SNX11: variants seen among roughly 807,000 people sequenced by gnomAD.
The protein encoded by SNX11 is sorting nexin 11.
In SNX11, 19 loss-of-function variants were observed where a neutral mutation model predicts 30.7. The observed-to-expected ratio is 0.62, with a 90% CI of 0.43 to 0.91. The LOEUF is 0.91. Ranked by LOEUF, SNX11 falls within the 40% of genes least tolerant of loss-of-function variation. SNX11 has a pLI of 0.00. For synonymous variants in SNX11, 112 were observed against 119.0 expected, an observed-to-expected ratio of 0.94 and a Z score of 0.38; for missense variants, 302 against 326.7, an observed-to-expected ratio of 0.92 and a Z score of 0.58.
chr17:48,118,571 C>G (rs1490593499), intron 4 of SNX11, 133 bp from the exon 5 acceptor site: 2 of 590,162 alleles, frequency 3.4e-6, no homozygotes, highest in Non-Finnish European at 5.9e-6. Context: ...GAGCGAGACT[C>G]CATCTCAAAA....
chr17:48,108,324 G>C (rs1029837722), intron 1 of SNX11, among the ~76,000 whole-genome samples: 2 of 152,232 alleles, frequency 1.3e-5, no homozygotes, highest in African/African-American at 4.8e-5. Context: ...AGATCACACA[G>C]AGCTTGGTCA....
At chr17:48,113,548 G>GTT (rs377736294) in intron 4 of SNX11, 147 bp downstream of exon 4, 1,413 of 427,246 alleles carry the variant, frequency 3.3e-3, no homozygotes, top group African/African-American at 4.1e-3. Flanking sequence ...TGTTTTTTGG[G>GTT]TTTTTTTTTT....
intron 1 of SNX11, among the ~76,000 whole-genome samples, chr17:48,108,737 T>C (rs989686297): frequency 6.6e-6 from 1 of 152,254 alleles, no homozygotes; most frequent in Non-Finnish European, 1.5e-5. Flanking sequence ...GGTCACTGAC[T>C]CTAGCCTTAT....
At chr17:48,112,480 G>A in intron 2 of SNX11, 94 bp from the exon 3 acceptor site, 1 of 767,632 alleles carries the variant, frequency 1.3e-6, no homozygotes, top group Non-Finnish European at 2.3e-6. Context: ...TTGAGTGAAT[G>A]AAAGTTGGTG....
chr17:48,115,610 AT>A (rs140089442), intron 4 of SNX11, among the ~76,000 whole-genome samples: 16 of 151,880 alleles, frequency 1.1e-4, no homozygotes, highest in Admixed American at 6.6e-4. Flanking sequence ...AAAAATAATG[AT>A]TTTTTTTTCT....
chr17:48,123,312 C>T lies in SNX11; in HGVS notation c.*1804C>T, dbSNP rs1371143714. On this transcript the variant is annotated 3_prime_UTR_variant, in exon 7 of 7. Coordinates refer to ENST00000359238, the MANE Select transcript of SNX11 (RefSeq NM_013323.3). ...GGGATGGCTCATGAATATTAATGAG[C>T]CCAATGCTCCAAATGGTGCAGCTGT... 1.3e-5 allele frequency among the ~76,000 whole-genome samples: 2 copies of T among 152,168 alleles called. No homozygotes were observed. The highest frequency in any genetic ancestry group is 4.8e-5 in the African/African-American group (2 of 41,446).
intron 1 of SNX11, among the ~76,000 whole-genome samples, chr17:48,111,647 C>CA (rs36043565): frequency 0.04 from 5,284 of 132,904 alleles, 170 homozygotes; most frequent in South Asian, 0.058. Context: ...AACTCTGCCT[C>CA]AAAAAAAAAA....
intron 1 of SNX11, 186 bp from the exon 2 acceptor site, chr17:48,111,845 C>A: frequency 1.7e-6 from 1 of 580,564 alleles, no homozygotes; most frequent in Non-Finnish European, 3.1e-6. Context: ...CCCCCAGGGC[C>A]TTTTAGCTTG....
chr17:48,112,891 C>G, intron 3 of SNX11: 1 of 297,076 alleles, frequency 3.4e-6, no homozygotes, highest in African/African-American at 2.2e-5. Context: ...CCACCACGCC[C>G]AGCTAATTTT....
intron 1 of SNX11, among the ~76,000 whole-genome samples, chr17:48,108,886 G>A (rs2063461892): frequency 6.6e-6 from 1 of 152,190 alleles, no homozygotes; most frequent in Non-Finnish European, 1.5e-5. Context: ...AAGAGTGGTT[G>A]CTAGAAATTA....
chr17:48,111,986 C>G, intron 1 of SNX11, 45 bp from the exon 2 acceptor site: 1 of 1,469,644 alleles, frequency 6.8e-7, no homozygotes, highest in South Asian at 1.1e-5. Flanking sequence ...ATGATAAGAA[C>G]AGAGGCATAC....
intron 1 of SNX11, among the ~76,000 whole-genome samples, chr17:48,109,212 G>A (rs1411381851): frequency 2.6e-5 from 4 of 151,230 alleles, no homozygotes; most frequent in Middle Eastern, 3.5e-3. Flanking sequence ...GATTACAGGC[G>A]TGAGCCACTG....
At chr17:48,114,168 CTTTTT>C (rs34702745) in intron 4 of SNX11, among the ~76,000 whole-genome samples, 2 of 126,254 alleles carry the variant, frequency 1.6e-5, no homozygotes. Flanking sequence ...GAAATATGTT[CTTTTT>C]TTTTTTTTTT....
rs139929621 is a variant in SNX11 at position 48,121,417 on chromosome 17, C to G, written c.722C>G (p.Thr241Ser). Residue 241 changes from threonine (T) to serine (S), a missense_variant, in exon 7 of 7, where the codon ACC becomes AGC. Physicochemically the swap from Thr to Ser is moderately conservative, Grantham distance 58 (BLOSUM62 1). Coordinates refer to ENST00000359238, the MANE Select transcript of SNX11 (RefSeq NM_013323.3). ...GATTTTGGAAGACCCAAAGAGGGAA[C>G]CTCCACTCTTCAGTCTGTGAGGAGG... is the stretch of plus-strand genomic sequence containing the variant. ...CCDFGRPKEG[T>S]STLQSVRRAV... 102 of 1,614,030 alleles carry G rather than the reference C, an allele frequency of 6.3e-5. No homozygotes were observed. Among genetic ancestry groups the G allele is most frequent in the Non-Finnish European group, 7.5e-5 (88 of 1,179,984 alleles).
At chr17:48,120,210 T>G (rs1451293003) in intron 6 of SNX11, among the ~76,000 whole-genome samples, 2 of 140,766 alleles carry the variant, frequency 1.4e-5, no homozygotes, top group Non-Finnish European at 3.1e-5. Context: ...TGTTTTTTTT[T>G]TTTTTTTTTT....
intron 6 of SNX11, among the ~76,000 whole-genome samples, chr17:48,120,507 CTTTTTTT>C (rs71141968): frequency 1.4e-5 from 1 of 69,536 alleles, no homozygotes; most frequent in Admixed American, 2.3e-4. Flanking sequence ...CGCACCTGGC[CTTTTTTT>C]TTTTTTTTTT....
intron 2 of SNX11, 112 bp from the exon 3 acceptor site, chr17:48,112,462 A>T: frequency 4.2e-6 from 3 of 718,416 alleles, no homozygotes; most frequent in Non-Finnish European, 2.5e-6. Context: ...AATAAATGAA[A>T]GTTGGTGTTG....
At chr17:48,113,272 T>C (rs1016575553) in intron 3 of SNX11, 29 bp from the exon 4 acceptor site, 3 of 1,570,960 alleles carry the variant, frequency 1.9e-6, no homozygotes, top group Non-Finnish European at 2.6e-6. Context: ...TAAACCCTTT[T>C]CATGTACTTC....
At position 48,121,313 on chromosome 17, in the gene SNX11, G is replaced by C. The variant is rs760864301; in HGVS notation, c.618G>C (p.Val206=). The change falls in exon 7 of 7, where the codon GTG becomes GTC. Residue 206 remains valine (V), a synonymous_variant. Coordinates refer to ENST00000359238, the MANE Select transcript of SNX11 (RefSeq NM_013323.3). ...GTGAAGAAAAGGACCATTTAGAAGT[G>C]TGGGCTCCAGTTGTTGACTCTGAGG... ...PPSEEKDHLE[V]WAPVVDSEVP... 2 of 1,614,068 alleles carry C rather than the reference G, an allele frequency of 1.2e-6. No homozygotes were observed. The highest frequency in any genetic ancestry group is 2.7e-5 in the African/African-American group (2 of 74,910).
Sources: allele counts gnomAD v4.1 joint callset (sites outside exome capture counted in the v4.1 genomes callset), GRCh38; gene constraint gnomAD v4.1.1; transcripts MANE v1.5; gene names NCBI Gene and HGNC (gene_info 2026-07-23, HGNC 2026-07-21).